The following FAM227B variants were observed in gnomAD, a reference collection of about 807,000 sequenced individuals.
The protein encoded by FAM227B is protein FAM227B.
In FAM227B, 88 loss-of-function variants were observed where a neutral mutation model predicts 73.8. The ratio of observed to expected loss-of-function variants is 1.19; its 90% CI spans 1.00 to 1.42. The LOEUF is 1.42. FAM227B is among the 40% of genes most tolerant of loss of function. FAM227B has a pLI of 0.00. For missense variants in FAM227B, 632 were observed against 590.9 expected, an observed-to-expected ratio of 1.07 and a Z score of -0.72; for synonymous variants, 210 against 190.5, an observed-to-expected ratio of 1.10 and a Z score of -0.84.
chr15:49,611,407 A>G (rs2077907875), intron 2 of FAM227B, 139 bp from the exon 3 acceptor site: 2 of 501,606 alleles, frequency 4.0e-6, no homozygotes, highest in Non-Finnish European at 7.1e-6. Context: ...TGCTCACTTT[A>G]TACCATCCCT....
intron 3 of FAM227B, among the ~76,000 whole-genome samples, chr15:49,604,120 A>C (rs764613331): frequency 6.5e-4 from 99 of 152,328 alleles, no homozygotes; most frequent in Non-Finnish European, 6.2e-4. Flanking sequence ...TTTACATACT[A>C]CCAATACACT....
At chr15:49,515,112 C>T (rs181440074) in intron 10 of FAM227B, among the ~76,000 whole-genome samples, 5 of 152,148 alleles carry the variant, frequency 3.3e-5, no homozygotes, top group Admixed American at 6.6e-5. Flanking sequence ...TACATATATG[C>T]CTGACAGTTT....
At chr15:49,419,528 T>G (rs529008570) in intron 11 of FAM227B, among the ~76,000 whole-genome samples, 1 of 152,256 alleles carries the variant, frequency 6.6e-6, no homozygotes, top group Admixed American at 6.5e-5. Flanking sequence ...AAGCCCATTC[T>G]GCCAATAGGA....
intron 13 of FAM227B, among the ~76,000 whole-genome samples, chr15:49,357,936 C>T (rs1337046062): frequency 6.6e-6 from 1 of 151,896 alleles, no homozygotes; most frequent in Non-Finnish European, 1.5e-5. Flanking sequence ...GTTCAATATA[C>T]ACAAATCAAT....
intron 5 of FAM227B, among the ~76,000 whole-genome samples, chr15:49,578,448 T>C (rs967494928): frequency 3.4e-5 from 5 of 146,388 alleles, no homozygotes; most frequent in Admixed American, 2.8e-4. Context: ...ATACATAATA[T>C]GTATACATAC....
At chr15:49,509,299 C>T (rs1033776167) in intron 10 of FAM227B, among the ~76,000 whole-genome samples, 4 of 152,064 alleles carry the variant, frequency 2.6e-5, no homozygotes, top group Non-Finnish European at 5.9e-5. Context: ...AATTAACTAA[C>T]CCTAGGAAGT....
At chr15:49,617,765 C>A (rs2078382671) in intron 1 of FAM227B, among the ~76,000 whole-genome samples, 1 of 146,600 alleles carries the variant, frequency 6.8e-6, no homozygotes, top group African/African-American at 2.5e-5. Flanking sequence ...GGGCTATGCT[C>A]CTTTCATGTT....
chr15:49,577,045 C>T, intron 6 of FAM227B, 200 bp from the exon 7 acceptor site: 1 of 458,872 alleles, frequency 2.2e-6, no homozygotes, highest in South Asian at 3.1e-5. Context: ...GCCTGTAATC[C>T]CACCACACTG....
Position 49,502,310 on chromosome 15 carries a change from A to G in FAM227B, c.1012+5901T>C, listed in dbSNP as rs1246645876. Reference sequence around the variant, plus strand: ...CTGAAAAAGCCACAGACACTCAATAACCTGTGAGAGCAGCTGTGGAGGCAG... The same window carrying G: ...CTGAAAAAGCCACAGACACTCAATAGCCTGTGAGAGCAGCTGTGGAGGCAG... On this transcript the variant is annotated intron_variant, in intron 11 of 15. Transcript: ENST00000299338. Among the ~76,000 whole-genome samples, 5 of 152,246 alleles carry G rather than the reference A, an allele frequency of 3.3e-5. 1 individual carries two copies. Among genetic ancestry groups the G allele is most frequent in the South Asian group, 4.1e-4 (2 of 4,820 alleles).
intron 10 of FAM227B, among the ~76,000 whole-genome samples, chr15:49,532,579 C>T (rs2060691286): frequency 6.6e-6 from 1 of 150,748 alleles, no homozygotes; most frequent in Non-Finnish European, 1.5e-5. Flanking sequence ...ATGAAAATTG[C>T]TTCAGAATAA....
At chr15:49,337,302 C>T (rs773160693) in intron 13 of FAM227B, among the ~76,000 whole-genome samples, 2 of 152,156 alleles carry the variant, frequency 1.3e-5, no homozygotes, top group Non-Finnish European at 2.9e-5. Context: ...AATTTACGTT[C>T]CCACCAACAA....
chr15:49,448,116 T>C (rs1002166799), intron 11 of FAM227B, among the ~76,000 whole-genome samples: 2 of 151,790 alleles, frequency 1.3e-5, no homozygotes, highest in African/African-American at 4.8e-5. Context: ...CAACATATTA[T>C]GCTCCTATTT....
At chr15:49,499,208 G>C (rs1444732258) in intron 11 of FAM227B, among the ~76,000 whole-genome samples, 1 of 143,514 alleles carries the variant, frequency 7.0e-6, no homozygotes, top group East Asian at 2.1e-4. Context: ...ATTACATAAT[G>C]ATAAAGTATT....
chr15:49,344,274 G>A lies in FAM227B; in HGVS notation c.1272-8778C>T, dbSNP rs577343116. ...TTCATTTTTCTGTGTCTTTTCATCT[G>A]TTACATACAAATACATATTTTACAA... On this transcript the variant is annotated intron_variant, in intron 13 of 15. Transcript: ENST00000299338. 2.6e-5 allele frequency: 4 copies of A among 152,162 alleles called. No individual in the cohort carries two copies. The South Asian group carries it at 8.3e-4, about 32-fold the overall frequency. The allele number at this position is 152,162 out of a possible 1,614,324, so 9.4% of individuals were successfully genotyped here. A position where few individuals can be genotyped will look rare whatever the true frequency, so the allele number is the denominator to read the frequency against.
At chr15:49,517,294 C>T (rs918218328) in intron 10 of FAM227B, among the ~76,000 whole-genome samples, 1 of 151,954 alleles carries the variant, frequency 6.6e-6, no homozygotes, top group Non-Finnish European at 1.5e-5. Flanking sequence ...ATACTGTAAA[C>T]AGCCTAAGAA....
intron 11 of FAM227B, among the ~76,000 whole-genome samples, chr15:49,403,285 T>C (rs1484397652): frequency 6.6e-6 from 1 of 152,206 alleles, no homozygotes; most frequent in Admixed American, 6.5e-5. Context: ...CCTCACAGAA[T>C]GAGCTAGGGA....
At chr15:49,592,344 A>G (rs8025420) in intron 3 of FAM227B, among the ~76,000 whole-genome samples, 28,457 of 152,044 alleles carry the variant, frequency 0.19, 3,118 homozygotes, top group East Asian at 0.36. Context: ...CTACAGAAGA[A>G]GTTTTGGTGT....
intron 9 of FAM227B, among the ~76,000 whole-genome samples, chr15:49,546,644 C>T (rs572494703): frequency 3.3e-5 from 5 of 152,268 alleles, no homozygotes; most frequent in South Asian, 2.1e-4. Context: ...TTTTAATGAT[C>T]GCCATTCTAA....
intron 13 of FAM227B, among the ~76,000 whole-genome samples, chr15:49,364,348 G>T (rs1050665469): frequency 7.9e-5 from 12 of 152,052 alleles, no homozygotes; most frequent in Non-Finnish European, 1.8e-4. Flanking sequence ...TTAGTAGGTT[G>T]TATGTTCCAG....
Sources: gnomAD v4.1 joint callset for allele counts (sites outside exome capture counted in the v4.1 genomes callset) on GRCh38, gnomAD v4.1.1 for gene constraint, MANE v1.5 for transcripts, NCBI Gene and HGNC (gene_info 2026-07-23, HGNC 2026-07-21) for gene names.